The following SLC2A13 variants were observed in gnomAD, a reference collection of about 807,000 sequenced individuals.
The protein encoded by SLC2A13 is solute carrier family 2 member 13, also known as proton myo-inositol cotransporter.
SLC2A13 carries 32 observed loss-of-function variants against 64.4 expected under a neutral mutation model. That is an observed-to-expected ratio of 0.50 (90% CI 0.37 to 0.67). SLC2A13 has a LOEUF of 0.67. Ranked by LOEUF, SLC2A13 falls within the 30% of genes least tolerant of loss-of-function variation. The pLI, the probability that SLC2A13 is intolerant of heterozygous loss-of-function variation, is 0.00. For missense variants in SLC2A13, 743 were observed against 829.2 expected (o/e 0.90, Z 1.28); for synonymous variants, 338 against 327.1 (o/e 1.03, Z -0.36).
intron 3 of SLC2A13, among the ~76,000 whole-genome samples, chr12:39,961,046 C>A (rs1405487350): frequency 1.3e-5 from 2 of 151,396 alleles, no homozygotes. Flanking sequence ...TGTGCCTGGC[C>A]CTTGCATGAT....
In SLC2A13 at chr12:39,765,599, A is replaced by G. The variant is rs111833899; in HGVS notation, c.1446-741T>C. ...CTTTGAACCTTGTCATCCAAGCCCT[A>G]TTGTTACCATATTTATGAACTCATC... On this transcript the variant is annotated intron_variant, in intron 7 of 9. Coordinates refer to ENST00000280871, the MANE Select transcript of SLC2A13 (RefSeq NM_052885.4). Among the ~76,000 whole-genome samples, 1,115 of 152,078 alleles carry G rather than the reference A, an allele frequency of 7.3e-3. 21 individuals carry two copies. The highest frequency in any genetic ancestry group is 0.025 in the African/African-American group (1,039 of 41,500).
intron 1 of SLC2A13, among the ~76,000 whole-genome samples, chr12:40,096,510 AAAC>A (rs1266643567): frequency 6.6e-6 from 1 of 151,944 alleles, no homozygotes; most frequent in Non-Finnish European, 1.5e-5. Context: ...ATAAGAAAAA[AAAC>A]AAAAAAAATT....
intron 4 of SLC2A13, among the ~76,000 whole-genome samples, chr12:39,938,323 C>A (rs1383903521): frequency 7.9e-5 from 12 of 151,846 alleles, no homozygotes; most frequent in Admixed American, 5.9e-4. Flanking sequence ...GGATTCAAAT[C>A]CAGATCTAAC....
chr12:39,907,939 C>G (rs1945332411), intron 4 of SLC2A13: 1 of 151,310 alleles, frequency 6.6e-6, no homozygotes, highest in African/African-American at 2.5e-5. Context: ...ACCTTTACAA[C>G]TACGCCTCCA....
At chr12:39,999,646 CAT>C (rs1219002014) in intron 3 of SLC2A13, among the ~76,000 whole-genome samples, 3 of 152,198 alleles carry the variant, frequency 2.0e-5, no homozygotes, top group Non-Finnish European at 4.4e-5. Context: ...CACCGCTGAA[CAT>C]AGACCATTAT....
At chr12:40,045,331 T>G (rs1948154155) in intron 2 of SLC2A13, among the ~76,000 whole-genome samples, 1 of 152,010 alleles carries the variant, frequency 6.6e-6, no homozygotes, top group Admixed American at 6.6e-5. Flanking sequence ...TAGACCCACA[T>G]TTTCCTTCAG....
intron 3 of SLC2A13, among the ~76,000 whole-genome samples, chr12:40,008,563 G>A (rs1488452683): frequency 6.6e-6 from 1 of 150,550 alleles, no homozygotes; most frequent in African/African-American, 2.5e-5. Flanking sequence ...GTGAGCAGAG[G>A]TTTCACCACT....
chr12:39,765,656 G>T (rs1940321001), intron 7 of SLC2A13, among the ~76,000 whole-genome samples: 1 of 152,010 alleles, frequency 6.6e-6, no homozygotes, highest in Non-Finnish European at 1.5e-5. Context: ...TGATTTGGGT[G>T]CCTGCTCAGT....
chr12:39,771,716 C>T (rs553744701), intron 7 of SLC2A13, among the ~76,000 whole-genome samples: 1 of 152,184 alleles, frequency 6.6e-6, no homozygotes, highest in East Asian at 1.9e-4. Context: ...TCATTCCTTT[C>T]TTCAAACTCA....
chr12:39,908,330 T>G (rs980133891), intron 4 of SLC2A13: 3 of 152,034 alleles, frequency 2.0e-5, no homozygotes, highest in Non-Finnish European at 2.9e-5. Flanking sequence ...GCTCTGGGGT[T>G]ATGAGTACAG....
At chr12:39,821,391 C>T (rs1942504649) in intron 7 of SLC2A13, among the ~76,000 whole-genome samples, 1 of 151,672 alleles carries the variant, frequency 6.6e-6, no homozygotes, top group Admixed American at 6.6e-5. Flanking sequence ...GCCTGGGTAA[C>T]AGAGCAAGAC....
intron 7 of SLC2A13, among the ~76,000 whole-genome samples, chr12:39,794,027 T>A (rs1941489167): frequency 6.6e-6 from 1 of 151,086 alleles, no homozygotes; most frequent in Non-Finnish European, 1.5e-5. Flanking sequence ...ACTTTCTTGT[T>A]CTCTGATACT....
Position 39,760,197 on chromosome 12 carries a change from G to A in SLC2A13, c.1776C>T (p.Gly592=), listed in dbSNP as rs1200814941. The change falls in exon 10 of 10, where the codon GGC becomes GGT. Residue 592 remains glycine (G), a synonymous_variant. Transcript: ENST00000280871. The stretch of plus-strand genomic sequence containing the variant: ...TTTTGCCTTTGGTCTCAGGAAGACA[G>A]CCATAGATGAAAAGGAGTCCCACAG... ...FAAVGLLFIY[G]CLPETKGKKL... 3.7e-6 allele frequency: 6 copies of A among 1,612,816 alleles called. No individual in the cohort carries two copies. The highest frequency in any genetic ancestry group is 5.1e-6 in the Non-Finnish European group (6 of 1,179,280).
intron 7 of SLC2A13, among the ~76,000 whole-genome samples, chr12:39,812,837 T>C (rs1350268487): frequency 1.6e-5 from 2 of 128,940 alleles, no homozygotes; most frequent in Non-Finnish European, 3.3e-5. Flanking sequence ...AGTATTACCT[T>C]TTTTTTTTTT....
rs28370757 is a variant in SLC2A13, at chr12:40,005,766, C to T, written c.925+22535G>A. Among the ~76,000 whole-genome samples the T allele has an allele frequency of 4.9e-3, 743 of 152,252 alleles. 7 individuals are homozygous for T. The highest frequency in any genetic ancestry group is 0.017 in the African/African-American group (704 of 41,532). On this transcript the variant is annotated intron_variant, in intron 3 of 9. Transcript: ENST00000280871. ...GGCAGTGTGCCACCAAAAGGCTATA[C>T]GATTTTATATCAGAGACTTGAGCAA...
intron 7 of SLC2A13, among the ~76,000 whole-genome samples, chr12:39,803,002 C>G (rs1941845019): frequency 6.6e-6 from 1 of 152,066 alleles, no homozygotes; most frequent in African/African-American, 2.4e-5. Context: ...AGGTATCTTC[C>G]ATGGGCCCCT....
chr12:39,827,284 G>C (rs1942722795), intron 7 of SLC2A13, among the ~76,000 whole-genome samples: 1 of 152,064 alleles, frequency 6.6e-6, no homozygotes, highest in Non-Finnish European at 1.5e-5. Flanking sequence ...AAGGCTCTTG[G>C]TTTTGCTTTT....
intron 3 of SLC2A13, among the ~76,000 whole-genome samples, chr12:39,960,345 G>A (rs7973509): frequency 0.19 from 29,453 of 152,084 alleles, 3,240 homozygotes; most frequent in Middle Eastern, 0.27. Context: ...ATAGACTTCC[G>A]CAAACAATGA....
chr12:40,102,260 G>T (rs1191335606), intron 1 of SLC2A13, among the ~76,000 whole-genome samples: 1 of 152,180 alleles, frequency 6.6e-6, no homozygotes, highest in Non-Finnish European at 1.5e-5. Flanking sequence ...TATCTGACAG[G>T]ATCCATAATG....
Sources: gnomAD v4.1 joint callset for allele counts (sites outside exome capture counted in the v4.1 genomes callset) on GRCh38, gnomAD v4.1.1 for gene constraint, MANE v1.5 for transcripts, NCBI Gene and HGNC (gene_info 2026-07-23, HGNC 2026-07-21) for gene names.